SLCO3A1: variants seen among roughly 807,000 people sequenced by gnomAD.
SLCO3A1 encodes PGE1 transporter.
SLCO3A1 carries 27 observed loss-of-function variants against 63.1 expected under a neutral mutation model. The observed-to-expected ratio is 0.43, with a 90% CI of 0.32 to 0.59. SLCO3A1 has a LOEUF of 0.59. Among genes scored for constraint, SLCO3A1 ranks in the 20% least tolerant of loss-of-function variants. SLCO3A1 has a pLI of 0.09. For synonymous variants in SLCO3A1, 473 were observed against 409.9 expected, an observed-to-expected ratio of 1.15 and a Z score of -1.86; for missense variants, 773 against 945.8, an observed-to-expected ratio of 0.82 and a Z score of 2.40.
At chr15:92,143,795 T>C (rs191125086) in intron 7 of SLCO3A1, among the ~76,000 whole-genome samples, 2 of 151,980 alleles carry the variant, frequency 1.3e-5, no homozygotes, top group East Asian at 3.9e-4. Flanking sequence ...AAAACAGTGT[T>C]TTGAAGTAAG....
chr15:92,130,686 A>G (rs1008166658), intron 7 of SLCO3A1, among the ~76,000 whole-genome samples: 1 of 152,060 alleles, frequency 6.6e-6, no homozygotes, highest in Non-Finnish European at 1.5e-5. Flanking sequence ...TCCGTGTGTC[A>G]CTCGTGACCC....
chr15:92,083,136 GT>G, intron 2 of SLCO3A1, among the ~76,000 whole-genome samples: 1 of 152,156 alleles, frequency 6.6e-6, no homozygotes, highest in East Asian at 1.9e-4. Context: ...TTGTAAAGAG[GT>G]AGAAGCCGTC....
rs566165225 is a variant in SLCO3A1 at position 91,964,976 on chromosome 15, T to C, written c.646+48518T>C. Among the ~76,000 whole-genome samples the C allele has an allele frequency of 5.3e-5, 8 of 152,208 alleles. No individual in the cohort carries two copies. The East Asian group carries it at 7.8e-4, about 15-fold the overall frequency. On this transcript the variant is annotated intron_variant, in intron 2 of 9. Coordinates refer to ENST00000318445, the MANE Select transcript of SLCO3A1 (RefSeq NM_013272.4). ...CAGCAGTCCTACCTCTAGACTTTTCTGCGTGTGCCATGCCAGCTTTTGGGA... is the reference window on the plus strand; with the variant it reads ...CAGCAGTCCTACCTCTAGACTTTTCCGCGTGTGCCATGCCAGCTTTTGGGA...
chr15:91,857,888 G>A (rs1246575377), intron 1 of SLCO3A1, among the ~76,000 whole-genome samples: 6 of 152,172 alleles, frequency 3.9e-5, no homozygotes, highest in Admixed American at 6.5e-5. Context: ...AGTTTCCTGG[G>A]TGGGGCACAA....
chr15:92,152,302 C>CTTCTCCGTCTATAGCAAAAACTTTCTAT (rs2048316383), intron 9 of SLCO3A1, among the ~76,000 whole-genome samples: 1 of 152,218 alleles, frequency 6.6e-6, no homozygotes. Flanking sequence ...CCTCACCTTC[C>CTTCTCCGTCTATAGCAAAAACTTTCTAT]TTCTCCGTCT....
At chr15:92,118,257 G>A (rs2047819561) in intron 4 of SLCO3A1, among the ~76,000 whole-genome samples, 2 of 152,166 alleles carry the variant, frequency 1.3e-5, no homozygotes, top group South Asian at 4.1e-4. Flanking sequence ...ATTTTACAAG[G>A]AACCACCACA....
At chr15:92,064,002 A>G (rs2047118512) in intron 2 of SLCO3A1, among the ~76,000 whole-genome samples, 2 of 152,214 alleles carry the variant, frequency 1.3e-5, no homozygotes, top group Non-Finnish European at 2.9e-5. Flanking sequence ...GGATGAACAC[A>G]GTTTAGGGAT....
rs1424394781 is a variant in SLCO3A1, at chr15:91,941,687, A to C, written c.646+25229A>C. Reference sequence around the variant, plus strand: ...GTTTGTTTCTCTTTGTCTTTAAAAAAATTATTTTTCCTCCTTTTTAATTTT... The same window carrying C: ...GTTTGTTTCTCTTTGTCTTTAAAAACATTATTTTTCCTCCTTTTTAATTTT... On this transcript the variant is annotated intron_variant, in intron 2 of 9. Transcript: ENST00000318445. The surrounding 1 kb of genome is among the most constrained non-coding windows in gnomAD (Gnocchi z 4.4). 2.6e-5 allele frequency: 10 copies of C among 382,650 alleles called. No homozygotes were observed. Among genetic ancestry groups the C allele is most frequent in the Non-Finnish European group, 4.6e-5 (9 of 195,440 alleles). The allele number at this position is 382,650 out of a possible 1,614,324, so 23.7% of individuals were successfully genotyped here. A position where few individuals can be genotyped will look rare whatever the true frequency, so the allele number is the denominator to read the frequency against.
At chr15:91,972,856 C>T (rs1248834124) in intron 2 of SLCO3A1, among the ~76,000 whole-genome samples, 3 of 152,310 alleles carry the variant, frequency 2.0e-5, no homozygotes, top group East Asian at 3.9e-4. Context: ...CATGGTGGCT[C>T]ATGCCTGTAA....
chr15:92,055,854 A>G (rs1597266901), intron 2 of SLCO3A1, among the ~76,000 whole-genome samples: 2 of 152,234 alleles, frequency 1.3e-5, no homozygotes, highest in African/African-American at 4.8e-5. Flanking sequence ...GACCTTATGA[A>G]AATGGGAAGT....
chr15:92,143,662 T>C (rs1167145542), intron 7 of SLCO3A1, among the ~76,000 whole-genome samples: 1 of 146,284 alleles, frequency 6.8e-6, no homozygotes, highest in Non-Finnish European at 1.5e-5. Flanking sequence ...TTTTGTTAAG[T>C]TGGTGCAAAA....
chr15:91,963,735 G>A (rs55761412), intron 2 of SLCO3A1, among the ~76,000 whole-genome samples: 9,253 of 152,082 alleles, frequency 0.061, 404 homozygotes, highest in Non-Finnish European at 0.091. Flanking sequence ...TCGTGGTCTC[G>A]CTGACTTCAG....
At chr15:91,913,161 G>A (rs752291525) in intron 1 of SLCO3A1, among the ~76,000 whole-genome samples, 8 of 152,228 alleles carry the variant, frequency 5.3e-5, no homozygotes, top group Non-Finnish European at 7.3e-5. Context: ...AAAAGTAACA[G>A]TCTAATCACA....
intron 2 of SLCO3A1, among the ~76,000 whole-genome samples, chr15:92,014,094 A>T (rs1398093145): frequency 6.6e-6 from 1 of 152,142 alleles, no homozygotes; most frequent in Non-Finnish European, 1.5e-5. Flanking sequence ...GATCCAGGCT[A>T]AAGCTTAAAC....
chr15:91,880,168 TCC>T (rs1491151550), intron 1 of SLCO3A1, among the ~76,000 whole-genome samples: 52 of 149,622 alleles, frequency 3.5e-4, no homozygotes, highest in African/African-American at 7.4e-4. Context: ...CATCCATCCA[TCC>T]ATCTATCTAT....
chr15:91,970,331 G>A (rs914511185), intron 2 of SLCO3A1, among the ~76,000 whole-genome samples: 22 of 152,206 alleles, frequency 1.4e-4, no homozygotes, highest in African/African-American at 5.1e-4. Flanking sequence ...GATGAAATCC[G>A]CAGCTGGTGT....
chr15:91,938,482 G>T lies in SLCO3A1; in HGVS notation c.646+22024G>T, dbSNP rs74728332. Among the ~76,000 whole-genome samples, 1,206 of 135,956 alleles carry T rather than the reference G, an allele frequency of 8.9e-3. 12 individuals are homozygous for T. The highest frequency in any genetic ancestry group is 0.028 in the African/African-American group (1,041 of 36,782). The allele number at this position is 135,956 out of a possible 152,430, so 89.2% of individuals were successfully genotyped here. ...AATACTCTAAACATTGGTTTTTTTT[G>T]TTTTTTTTTTTTTTTGGTATCTAGG... On this transcript the variant is annotated intron_variant, in intron 2 of 9. Coordinates refer to ENST00000318445, the MANE Select transcript of SLCO3A1 (RefSeq NM_013272.4).
chr15:91,947,211 C>T (rs1293729700), intron 2 of SLCO3A1, among the ~76,000 whole-genome samples: 1 of 152,228 alleles, frequency 6.6e-6, no homozygotes, highest in Non-Finnish European at 1.5e-5. Context: ...CTCCTGGGTG[C>T]ACCTCTAATC....
intron 1 of SLCO3A1, among the ~76,000 whole-genome samples, chr15:91,909,108 C>T (rs1898404196): frequency 6.6e-6 from 1 of 152,148 alleles, no homozygotes; most frequent in Non-Finnish European, 1.5e-5. Flanking sequence ...AAAAAGCTTG[C>T]ATTAAAATTG....
Sources: gnomAD v4.1 joint callset for allele counts (sites outside exome capture counted in the v4.1 genomes callset) on GRCh38, gnomAD v4.1.1 for gene constraint, Gnocchi (gnomAD v3.1) non-coding constraint, MANE v1.5 for transcripts, NCBI Gene and HGNC (gene_info 2026-07-23, HGNC 2026-07-21) for gene names.